Variants in LMO7 observed in about 807,000 individuals in gnomAD.
LMO7 encodes LIM domain only protein 7.
A neutral mutation model predicts 206.5 loss-of-function variants in LMO7; 120 were observed. That is an observed-to-expected ratio of 0.58 (90% CI 0.50 to 0.68). The LOEUF (loss-of-function observed/expected upper bound fraction) is 0.68, where lower values mean the gene tolerates loss of function less well. LMO7 is among the 30% of genes least tolerant of loss of function. LMO7 has a pLI of 0.00. For missense variants in LMO7, 1,959 were observed against 1,957.9 expected, an observed-to-expected ratio of 1.00 and a Z score of -0.01; for synonymous variants, 706 against 681.5, an observed-to-expected ratio of 1.04 and a Z score of -0.56.
At chr13:75,716,843 C>A (rs940064361) in intron 2 of LMO7, among the ~76,000 whole-genome samples, 1 of 151,816 alleles carries the variant, frequency 6.6e-6, no homozygotes, top group Non-Finnish European at 1.5e-5. Flanking sequence ...AGTAATTTCC[C>A]AGTTACTCAT....
chr13:75,848,161 T>C (rs1040655862), intron 26 of LMO7, among the ~76,000 whole-genome samples: 1 of 152,172 alleles, frequency 6.6e-6, no homozygotes, highest in African/African-American at 2.4e-5. Context: ...GGTGCACCCA[T>C]CTCTCGAGAA....
chr13:75,641,909 C>T (rs190528844), intron 1 of LMO7, among the ~76,000 whole-genome samples: 34 of 152,292 alleles, frequency 2.2e-4, no homozygotes, highest in African/African-American at 5.8e-4. Context: ...ATCTGCCAGC[C>T]TTGGCCTCCT....
At chr13:75,803,972 A>G (rs921553515) in intron 7 of LMO7, among the ~76,000 whole-genome samples, 4 of 152,140 alleles carry the variant, frequency 2.6e-5, no homozygotes, top group African/African-American at 7.2e-5. Context: ...TTTTATTTCT[A>G]TGTATTACAT....
At chr13:75,723,232 G>T (rs1227955851) in intron 2 of LMO7, among the ~76,000 whole-genome samples, 1 of 151,904 alleles carries the variant, frequency 6.6e-6, no homozygotes, top group Middle Eastern at 3.2e-3. Context: ...TTTAATTTGT[G>T]AACAAAATAT....
intron 1 of LMO7, among the ~76,000 whole-genome samples, chr13:75,636,943 G>A (rs1467522498): frequency 6.6e-6 from 1 of 152,118 alleles, no homozygotes; most frequent in Non-Finnish European, 1.5e-5. Flanking sequence ...CCTAACCCCC[G>A]CCCCCCGACG....
chr13:75,745,766 C>T (rs1414417614), intron 3 of LMO7, among the ~76,000 whole-genome samples: 1 of 152,206 alleles, frequency 6.6e-6, no homozygotes, highest in Non-Finnish European at 1.5e-5. Flanking sequence ...TTCTGCCTGA[C>T]TGCTGGAGTT....
intron 4 of LMO7, among the ~76,000 whole-genome samples, chr13:75,766,069 C>G (rs1258956718): frequency 6.6e-6 from 1 of 152,126 alleles, no homozygotes; most frequent in African/African-American, 2.4e-5. Flanking sequence ...TTTGTCTCCT[C>G]TGATCAGTTA....
At chr13:75,849,717 C>G (rs1385786917) in intron 27 of LMO7, among the ~76,000 whole-genome samples, 1 of 151,974 alleles carries the variant, frequency 6.6e-6, no homozygotes, top group Non-Finnish European at 1.5e-5. Flanking sequence ...AGATTGGAAT[C>G]TTGATAATTG....
At chr13:75,811,145 A>G (rs931765595) in intron 11 of LMO7, among the ~76,000 whole-genome samples, 2 of 151,994 alleles carry the variant, frequency 1.3e-5, no homozygotes, top group Non-Finnish European at 2.9e-5. Flanking sequence ...ATTTATAACA[A>G]AGGATTTCTC....
intron 3 of LMO7, among the ~76,000 whole-genome samples, chr13:75,742,942 C>G (rs937132350): frequency 2.0e-5 from 3 of 152,138 alleles, no homozygotes; most frequent in African/African-American, 7.2e-5. Context: ...AGACAACCTA[C>G]AGAATGGGAG....
At chr13:75,744,317 A>G (rs4885345) in intron 3 of LMO7, among the ~76,000 whole-genome samples, 70,865 of 152,016 alleles carry the variant, frequency 0.47, 17,230 homozygotes, top group East Asian at 0.61. Flanking sequence ...TAGTCATAAC[A>G]TTGGCACAAG....
At chr13:75,756,600 C>T (rs1280065254) in intron 3 of LMO7, among the ~76,000 whole-genome samples, 2 of 152,132 alleles carry the variant, frequency 1.3e-5, no homozygotes, top group Non-Finnish European at 2.9e-5. Flanking sequence ...TTTCTGTGGA[C>T]CAGTGACTCC....
intron 2 of LMO7, among the ~76,000 whole-genome samples, chr13:75,715,582 A>T (rs1044814097): frequency 1.3e-5 from 2 of 152,226 alleles, no homozygotes; most frequent in African/African-American, 4.8e-5. Flanking sequence ...CAGCAATTGT[A>T]ATTTACTGTG....
At chr13:75,680,645 C>T (rs188881733) in intron 1 of LMO7, among the ~76,000 whole-genome samples, 47 of 151,804 alleles carry the variant, frequency 3.1e-4, no homozygotes, top group African/African-American at 7.2e-4. Flanking sequence ...ATAGGATACA[C>T]GTGCTGTGGT....
intron 3 of LMO7, among the ~76,000 whole-genome samples, chr13:75,740,286 T>G (rs1207067381): frequency 2.6e-5 from 4 of 152,144 alleles, no homozygotes; most frequent in Admixed American, 1.3e-4. Flanking sequence ...TGTTTGGATG[T>G]TGAAGTATAC....
At chr13:75,818,495 C>A (rs1329737567) in intron 12 of LMO7, among the ~76,000 whole-genome samples, 1 of 152,094 alleles carries the variant, frequency 6.6e-6, no homozygotes, top group African/African-American at 2.4e-5. Flanking sequence ...AACTTTATAC[C>A]TTGTAAAATG....
intron 9 of LMO7, chr13:75,807,208 C>T (rs1057136128): frequency 1.5e-5 from 6 of 396,172 alleles, no homozygotes; most frequent in African/African-American, 6.0e-5. Context: ...GTCCATGCTC[C>T]AGCCCCATCC....
At chr13:75,672,490 A>G (rs1475424355) in intron 1 of LMO7, among the ~76,000 whole-genome samples, 1 of 152,066 alleles carries the variant, frequency 6.6e-6, no homozygotes, top group Non-Finnish European at 1.5e-5. Context: ...ATACAATTGC[A>G]TTGTATTACA....
chr13:75,634,061 A>T (rs181872524), upstream of LMO7, among the ~76,000 whole-genome samples: 552 of 150,018 alleles, frequency 3.7e-3, 3 homozygotes, highest in African/African-American at 0.013. Context: ...GGATGATCTC[A>T]AACTCCTGAC....
Sources: gnomAD v4.1 joint callset for allele counts (sites outside exome capture counted in the v4.1 genomes callset) on GRCh38, gnomAD v4.1.1 for gene constraint, MANE v1.5 for transcripts, NCBI Gene and HGNC (gene_info 2026-07-23, HGNC 2026-07-21) for gene names.